ZNF536: variants seen among roughly 807,000 people sequenced by gnomAD.
The protein encoded by ZNF536 is zinc finger protein 536.
Under a neutral mutation model 84.5 loss-of-function variants are expected in ZNF536, and 13 were observed. The ratio of observed to expected loss-of-function variants is 0.15; its 90% CI spans 0.10 to 0.24. ZNF536 has a LOEUF of 0.24. ZNF536 is among the 10% of genes least tolerant of loss of function. ZNF536 has a pLI of 1.00. For synonymous variants in ZNF536, 811 were observed against 742.5 expected (o/e 1.09, Z -1.50); for missense variants, 1,536 against 1,747.5 (o/e 0.88, Z 2.16).
In ZNF536 at chr19:30,280,794, C is replaced by T. The variant is rs370400663; in HGVS notation, c.-189-3278C>T. 4.6e-4 allele frequency among the ~76,000 whole-genome samples: 70 copies of T among 152,294 alleles called. 1 individual carries two copies. Among genetic ancestry groups the T allele is most frequent in the African/African-American group, 1.7e-3 (69 of 41,568 alleles). Reference sequence around the variant, plus strand: ...TTGCTCAGGGAGGGTTTCTCTGGCTCCTTCAGGGCTCCTGTGTAGGCAGCT... The same window carrying T: ...TTGCTCAGGGAGGGTTTCTCTGGCTTCTTCAGGGCTCCTGTGTAGGCAGCT... On this transcript the variant is annotated intron_variant, in intron 1 of 5. Coordinates refer to the ZNF536 transcript ENST00000585628.
chr19:30,494,946 A>AG (rs1476829780), intron 2 of ZNF536, among the ~76,000 whole-genome samples: 1 of 108,338 alleles, frequency 9.2e-6, no homozygotes, highest in Non-Finnish European at 1.7e-5. Flanking sequence ...ACTCCGTCTC[A>AG]AAAAAGAAAA....
intron 1 of ZNF536, among the ~76,000 whole-genome samples, chr19:30,691,922 T>C (rs953798840): frequency 4.6e-5 from 7 of 152,132 alleles, no homozygotes; most frequent in East Asian, 1.9e-4. Context: ...CGGGTGGTGA[T>C]GCCTAGCATC....
chr19:30,326,151 G>A (rs1014634554), intron 2 of ZNF536, among the ~76,000 whole-genome samples: 1 of 152,238 alleles, frequency 6.6e-6, no homozygotes, highest in Admixed American at 6.5e-5. Flanking sequence ...TGTGCTCCAG[G>A]CAAGCAGGCA....
At chr19:30,310,275 T>C (rs1231238316) in intron 2 of ZNF536, among the ~76,000 whole-genome samples, 1 of 152,232 alleles carries the variant, frequency 6.6e-6, no homozygotes, top group Non-Finnish European at 1.5e-5. Context: ...TGTGGTTTAT[T>C]TTCAAACATT....
chr19:30,612,947 G>A (rs973174090), intron 1 of ZNF536, among the ~76,000 whole-genome samples: 3 of 152,172 alleles, frequency 2.0e-5, no homozygotes, highest in African/African-American at 7.2e-5. Flanking sequence ...TCCAACGTGG[G>A]GCGGTTTCTT....
intron 1 of ZNF536, among the ~76,000 whole-genome samples, chr19:30,392,213 G>A (rs543342787): frequency 6.6e-6 from 1 of 152,242 alleles, no homozygotes; most frequent in South Asian, 2.1e-4. Flanking sequence ...GGGAGGCCCA[G>A]CGCTCTCATG....
intron 1 of ZNF536, among the ~76,000 whole-genome samples, chr19:30,378,306 A>G (rs2048892639): frequency 6.6e-6 from 1 of 152,212 alleles, no homozygotes; most frequent in Non-Finnish European, 1.5e-5. Flanking sequence ...GACTACAGGC[A>G]TGAGCCACCA....
intron 1 of ZNF536, among the ~76,000 whole-genome samples, chr19:30,234,709 C>T (rs1390824190): frequency 6.6e-6 from 1 of 151,690 alleles, no homozygotes; most frequent in Admixed American, 6.6e-5. Context: ...GCCTCCTTTA[C>T]ATTTTTTAGG....
intron 2 of ZNF536, among the ~76,000 whole-genome samples, chr19:30,503,563 T>A (rs2055037036): frequency 6.6e-6 from 1 of 152,264 alleles, no homozygotes; most frequent in South Asian, 2.1e-4. Flanking sequence ...TTAGTCTACA[T>A]CTTTTGTGCA....
chr19:30,297,876 CTTTT>C (rs367560638), intron 2 of ZNF536, among the ~76,000 whole-genome samples: 4,002 of 138,762 alleles, frequency 0.029, 220 homozygotes, highest in Admixed American at 0.14. Context: ...AACTTCATGC[CTTTT>C]TTTTTTTTTT....
chr19:30,363,801 G>A (rs1458308348), intron 3 of ZNF536, among the ~76,000 whole-genome samples: 1 of 152,204 alleles, frequency 6.6e-6, no homozygotes, highest in Non-Finnish European at 1.5e-5. Flanking sequence ...AGAGCTTCAT[G>A]GAAGGGCTGG....
chr19:30,679,991 C>G (rs944818289), intron 1 of ZNF536, among the ~76,000 whole-genome samples: 3 of 151,986 alleles, frequency 2.0e-5, no homozygotes, highest in Admixed American at 2.0e-4. Flanking sequence ...CACTGTACGC[C>G]CTGGGAAAAA....
At chr19:30,564,568 G>T (rs1160526750) in intron 1 of ZNF536, among the ~76,000 whole-genome samples, 1 of 152,132 alleles carries the variant, frequency 6.6e-6, no homozygotes, top group East Asian at 1.9e-4. Context: ...GGTGCTCAGT[G>T]GCTGTGGGTA....
rs1232900058 is a variant in ZNF536, at chr19:30,548,777, T to G, written c.3158T>G (p.Leu1053Arg). 2.5e-6 allele frequency: 4 copies of G among 1,613,924 alleles called. No individual in the cohort carries two copies. The highest frequency in any genetic ancestry group is 2.2e-5 in the South Asian group (2 of 91,076). Residue 1053 changes from leucine (L) to arginine (R), a missense_variant, in exon 4 of 5, where the codon CTG (leucine) becomes CGG (arginine). Leu to Arg is a moderately radical substitution (Grantham distance 102). Around this residue, in one of 8 missense-constraint regions of ZNF536, gnomAD observed 624 missense variants for 603.1 expected, o/e 1.03. Coordinates refer to ENST00000355537, the MANE Select transcript of ZNF536 (RefSeq NM_014717.3). ...GCCCGGGAGGCGAGTAAGATGGCCCTGCTGCCCTCGTTACAATCAAACAAA... is the reference window on the plus strand; with the variant it reads ...GCCCGGGAGGCGAGTAAGATGGCCCGGCTGCCCTCGTTACAATCAAACAAA... ...DQAREASKMA[L>R]LPSLQSNKDL...
intron 2 of ZNF536, among the ~76,000 whole-genome samples, chr19:30,343,361 C>T (rs1321001968): frequency 6.6e-6 from 1 of 152,206 alleles, no homozygotes; most frequent in East Asian, 1.9e-4. Flanking sequence ...CCAAAAGCCA[C>T]ACCTAGTGAT....
At chr19:30,710,893 G>A (rs968062975) in exon 2 of ZNF536, 3 of 152,180 alleles carry the variant, frequency 2.0e-5, no homozygotes, top group Non-Finnish European at 2.9e-5. Flanking sequence ...AGCGCTCCAG[G>A]GTCGACTCAG....
In ZNF536 at chr19:30,273,977, GATT is replaced by G. The variant is rs1334930968; in HGVS notation, c.-189-10088_-189-10086del. Among the ~76,000 whole-genome samples, 3 of 152,244 alleles carry G rather than the reference GATT, an allele frequency of 2.0e-5. 1 individual carries two copies. The highest frequency in any genetic ancestry group is 7.2e-5 in the African/African-American group (3 of 41,534). On this transcript the variant is annotated intron_variant, in intron 1 of 5. Coordinates refer to the ZNF536 transcript ENST00000585628. ...CATTATATCAGTTAATAGAATTATGGATTATTATTTTCCTCTTTCTAATATCTT... is the reference window on the plus strand; with the variant it reads ...CATTATATCAGTTAATAGAATTATGGATTATTTTCCTCTTTCTAATATCTT...
intron 1 of ZNF536, among the ~76,000 whole-genome samples, chr19:30,385,676 C>A (rs1051071631): frequency 6.6e-6 from 1 of 152,208 alleles, no homozygotes; most frequent in Non-Finnish European, 1.5e-5. Flanking sequence ...CACCTGTCCA[C>A]CCCTGCGTCT....
intron 2 of ZNF536, among the ~76,000 whole-genome samples, chr19:30,284,469 A>G (rs2045561118): frequency 6.6e-6 from 1 of 152,028 alleles, no homozygotes; most frequent in Non-Finnish European, 1.5e-5. Context: ...GGCTTTTGCT[A>G]AAGGCCGAGT....
Sources: allele counts gnomAD v4.1 joint callset (sites outside exome capture counted in the v4.1 genomes callset), GRCh38; gene constraint gnomAD v4.1.1; regional missense constraint gnomAD v4.1.1; transcripts MANE v1.5; gene names NCBI Gene and HGNC (gene_info 2026-07-23, HGNC 2026-07-21).